The following TRAPPC9 variants were observed in gnomAD, a reference collection of about 807,000 sequenced individuals.
TRAPPC9 encodes the protein trafficking protein particle complex subunit 9.
In TRAPPC9, 83 loss-of-function variants were observed where a neutral mutation model predicts 124.0. That is an observed-to-expected ratio of 0.67 (90% CI 0.56 to 0.80). TRAPPC9 has a LOEUF of 0.80. TRAPPC9 is among the 30% of genes least tolerant of loss of function. TRAPPC9 has a pLI of 0.00. For missense variants in TRAPPC9, 1,302 were observed against 1,508.3 expected, an observed-to-expected ratio of 0.86 and a Z score of 2.27; for synonymous variants, 638 against 617.5, an observed-to-expected ratio of 1.03 and a Z score of -0.49.
intron 17 of TRAPPC9, among the ~76,000 whole-genome samples, chr8:140,050,709 G>A (rs1347906295): frequency 3.3e-5 from 5 of 152,142 alleles, no homozygotes; most frequent in African/African-American, 1.2e-4. Flanking sequence ...ATGGAGAGAT[G>A]GGGGCTGGGG....
chr8:140,379,746 T>A (rs1028886550), intron 7 of TRAPPC9, among the ~76,000 whole-genome samples: 1 of 152,132 alleles, frequency 6.6e-6, no homozygotes, highest in Non-Finnish European at 1.5e-5. Context: ...GAGAGGACAA[T>A]CTATACGCTT....
intron 21 of TRAPPC9, among the ~76,000 whole-genome samples, chr8:139,794,475 G>A (rs1176320569): frequency 3.3e-5 from 5 of 152,208 alleles, no homozygotes; most frequent in African/African-American, 4.8e-5. Context: ...AAAGGGGAGC[G>A]GTTTCGTTAG....
At chr8:140,002,976 C>G (rs1838502501) in intron 18 of TRAPPC9, among the ~76,000 whole-genome samples, 1 of 145,716 alleles carries the variant, frequency 6.9e-6, no homozygotes, top group Non-Finnish European at 1.5e-5. Flanking sequence ...GAAAAAAAAG[C>G]ACAACCAAAA....
intron 21 of TRAPPC9, among the ~76,000 whole-genome samples, chr8:139,766,928 T>G (rs998105157): frequency 1.3e-5 from 2 of 152,216 alleles, no homozygotes; most frequent in Non-Finnish European, 2.9e-5. Context: ...TATCATATGC[T>G]CTCTTGCGTC....
At chr8:140,349,107 G>C (rs1358486269) in intron 9 of TRAPPC9, among the ~76,000 whole-genome samples, 1 of 137,064 alleles carries the variant, frequency 7.3e-6, no homozygotes, top group African/African-American at 2.7e-5. Flanking sequence ...GGCAAGCGGG[G>C]GGGCTGAAGA....
intron 19 of TRAPPC9, chr8:139,933,651 C>T (rs537758956): frequency 6.6e-6 from 1 of 152,368 alleles, no homozygotes; most frequent in South Asian, 2.1e-4. Flanking sequence ...AACCCAAACT[C>T]GACTCTTCTA....
chr8:139,941,050 G>A (rs377694880), intron 19 of TRAPPC9, among the ~76,000 whole-genome samples: 2 of 152,336 alleles, frequency 1.3e-5, no homozygotes, highest in East Asian at 1.9e-4. Flanking sequence ...CCACATGATT[G>A]GTTCTGTGGC....
At chr8:140,397,915 T>TC (rs1400693489) in intron 6 of TRAPPC9, among the ~76,000 whole-genome samples, 170 bp from the exon 7 acceptor site, 2 of 152,128 alleles carry the variant, frequency 1.3e-5, no homozygotes, top group Non-Finnish European at 2.9e-5. Flanking sequence ...CCAAATCTCA[T>TC]CTTGAATTGT....
At chr8:139,784,645 A>ATATATATAT (rs71318315) in intron 21 of TRAPPC9, among the ~76,000 whole-genome samples, 5 of 140,980 alleles carry the variant, frequency 3.5e-5, no homozygotes, top group East Asian at 2.0e-4. Flanking sequence ...ATATATATAT[A>ATATATATAT]AATCAACTGC....
chr8:140,107,599 C>T (rs2060689991), intron 17 of TRAPPC9, among the ~76,000 whole-genome samples: 1 of 152,254 alleles, frequency 6.6e-6, no homozygotes, highest in Non-Finnish European at 1.5e-5. Flanking sequence ...AGAAGTGACA[C>T]CTGAGAATGG....
intron 10 of TRAPPC9, among the ~76,000 whole-genome samples, chr8:140,304,946 C>T (rs902625158): frequency 4.9e-4 from 74 of 152,164 alleles, no homozygotes; most frequent in Admixed American, 4.3e-3. Flanking sequence ...TGTGCGTTAC[C>T]GAATGCTAAC....
intron 5 of TRAPPC9, among the ~76,000 whole-genome samples, chr8:140,409,932 T>C (rs529184558): frequency 1.3e-5 from 2 of 150,984 alleles, no homozygotes; most frequent in Non-Finnish European, 3.0e-5. Flanking sequence ...AGCCCAAGAG[T>C]TCAAGACTAG....
rs187878131 is a variant in TRAPPC9 at position 140,248,743 on chromosome 8, A to G, written c.2431+4034T>C. 1.4e-4 allele frequency among the ~76,000 whole-genome samples: 22 copies of G among 152,342 alleles called. No homozygotes were observed. The East Asian group carries it at 4.2e-3, about 29-fold the overall frequency. On this transcript the variant is annotated intron_variant, in intron 16 of 22. Coordinates refer to ENST00000438773, the MANE Select transcript of TRAPPC9 (RefSeq NM_001160372.4). ...CAAGTATTATAAGGATCATAGGAAA[A>G]GAATATACTATTTTGTGGGTGAAAA...
chr8:140,415,190 C>A (rs2069873589), intron 5 of TRAPPC9, among the ~76,000 whole-genome samples: 1 of 151,802 alleles, frequency 6.6e-6, no homozygotes, highest in Non-Finnish European at 1.5e-5. Context: ...GCCTGGGCAA[C>A]AGAGTAGAAC....
intron 21 of TRAPPC9, among the ~76,000 whole-genome samples, chr8:139,866,752 G>A (rs968482857): frequency 2.6e-5 from 4 of 152,072 alleles, no homozygotes; most frequent in African/African-American, 9.7e-5. Context: ...CAGACAGAAA[G>A]AGATGTTGAG....
chr8:139,984,590 G>A lies in TRAPPC9; in HGVS notation c.2810+4136C>T, dbSNP rs1246081617. On this transcript the variant is annotated intron_variant, in intron 19 of 22. Transcript: ENST00000438773. This position sits in a 1 kb window ranked among gnomAD's most constrained non-coding sequence, Gnocchi z 4.3. Reference sequence around the variant, plus strand: ...TGGAAGGACAGGGACCAGGTCTGAGGTCTGTAAGGTGCTGTCCGGCGTTGC... The same window carrying A: ...TGGAAGGACAGGGACCAGGTCTGAGATCTGTAAGGTGCTGTCCGGCGTTGC... Among the ~76,000 whole-genome samples the A allele has an allele frequency of 6.6e-6, 1 of 152,184 alleles. No individual in the cohort carries two copies. Among genetic ancestry groups the A allele is most frequent in the African/African-American group, 2.4e-5 (1 of 41,448 alleles).
intron 9 of TRAPPC9, among the ~76,000 whole-genome samples, chr8:140,312,300 C>T (rs2066318370): frequency 6.6e-6 from 1 of 152,134 alleles, no homozygotes; most frequent in Non-Finnish European, 1.5e-5. Flanking sequence ...GAGAGAAGAG[C>T]AGCAGAGGGA....
At chr8:140,157,791 A>G (rs1211361264) in intron 17 of TRAPPC9, among the ~76,000 whole-genome samples, 1 of 152,226 alleles carries the variant, frequency 6.6e-6, no homozygotes, top group Non-Finnish European at 1.5e-5. Context: ...AAAATTGCCT[A>G]TAATCCCAAA....
chr8:139,962,582 GT>G (rs1835415772), intron 19 of TRAPPC9, among the ~76,000 whole-genome samples: 1 of 124,220 alleles, frequency 8.1e-6, no homozygotes, highest in Non-Finnish European at 1.9e-5. Context: ...TGAGCCTGAA[GT>G]TGGACCTTGA....
Sources: gnomAD v4.1 joint callset for allele counts (sites outside exome capture counted in the v4.1 genomes callset) on GRCh38, gnomAD v4.1.1 for gene constraint, Gnocchi (gnomAD v3.1) non-coding constraint, MANE v1.5 for transcripts, NCBI Gene and HGNC (gene_info 2026-07-23, HGNC 2026-07-21) for gene names.